Variants in PLAAT1 observed in about 807,000 individuals in gnomAD.
PLAAT1 encodes H-REV107 protein-related protein.
A neutral mutation model predicts 16.4 loss-of-function variants in PLAAT1; 13 were observed. That is an observed-to-expected ratio of 0.79 (90% CI 0.52 to 1.26). PLAAT1 has a LOEUF of 1.26. Among genes scored for constraint, PLAAT1 ranks in the 50% most tolerant of loss-of-function variants. PLAAT1 has a pLI of 0.00. For synonymous variants in PLAAT1, 73 were observed against 78.4 expected (o/e 0.93, Z 0.36); for missense variants, 218 against 207.8 (o/e 1.05, Z -0.30).
At chr3:193,243,918 T>A (rs1210953625) in intron 1 of PLAAT1, among the ~76,000 whole-genome samples, 3 of 152,238 alleles carry the variant, frequency 2.0e-5, no homozygotes, top group African/African-American at 7.2e-5. Flanking sequence ...ACTATCTTTT[T>A]AAATAATTGT....
intron 1 of PLAAT1, among the ~76,000 whole-genome samples, chr3:193,249,044 T>G (rs146589292): frequency 6.6e-6 from 1 of 152,248 alleles, no homozygotes; most frequent in Non-Finnish European, 1.5e-5. Flanking sequence ...TTTTTAAAGC[T>G]CCCCTTCTTC....
In PLAAT1 at chr3:193,270,698, A is replaced by G. The variant is rs1254752178; in HGVS notation, c.500A>G (p.Tyr167Cys). The change falls in exon 4 of 4, where the codon TAC (tyrosine) becomes TGC (cysteine). Residue 167 changes from tyrosine (Y) to cysteine (C), a missense_variant. Coordinates refer to ENST00000264735, the MANE Select transcript of PLAAT1 (RefSeq NM_020386.5). ...GLFPKGQRAK[Y>C]Y ...TTTCCAAAAGGACAAAGAGCAAAAT[A>G]CTATTAACAATTTACCAAAGAGATA... 1.2e-6 allele frequency: 2 copies of G among 1,612,624 alleles called. No individual in the cohort carries two copies. Among genetic ancestry groups the G allele is most frequent in the Non-Finnish European group, 1.7e-6 (2 of 1,179,154 alleles).
intron 2 of PLAAT1, among the ~76,000 whole-genome samples, chr3:193,259,086 G>A (rs1716490587): frequency 6.6e-6 from 1 of 152,144 alleles, no homozygotes; most frequent in African/African-American, 2.4e-5. Flanking sequence ...GTACAAGATT[G>A]GTTCGACATA....
At position 193,263,243 on chromosome 3, in the gene PLAAT1, T is replaced by C; in HGVS notation, c.405+8T>C. On this transcript the variant is annotated splice_region_variant and intron_variant, in intron 3 of 3. Coordinates refer to ENST00000264735, the MANE Select transcript of PLAAT1 (RefSeq NM_020386.5). ...GAAGGAGTTTCAGAGCAGGTAAGTT[T>C]TCTTTAGGAGATATTCTTACATTGA... The C allele has an allele frequency of 6.2e-7, 1 of 1,612,332 alleles. No homozygotes were observed. Among genetic ancestry groups the C allele is most frequent in the Non-Finnish European group, 8.5e-7 (1 of 1,178,794 alleles).
chr3:193,245,527 T>C (rs1055870047), intron 1 of PLAAT1, among the ~76,000 whole-genome samples: 1 of 152,334 alleles, frequency 6.6e-6, no homozygotes, highest in Admixed American at 6.5e-5. Context: ...TTCAACGTAA[T>C]GGCTTCAGTT....
chr3:193,240,980 G>T (rs907417876), upstream of PLAAT1: 67 of 349,272 alleles, frequency 1.9e-4, no homozygotes, highest in African/African-American at 1.3e-3. Flanking sequence ...CGTTGGCTGC[G>T]GGAACGTCCG....
At chr3:193,241,141 CGA>C, upstream of PLAAT1, 1 of 954,788 alleles carries the variant, frequency 1.0e-6, no homozygotes, top group Non-Finnish European at 1.3e-6. Flanking sequence ...GGCGGGCGGG[CGA>C]AGCTGGGCTC....
At chr3:193,274,970 A>G, downstream of PLAAT1, 1 of 1,557,012 alleles carries the variant, frequency 6.4e-7, no homozygotes, top group South Asian at 1.2e-5. Flanking sequence ...GGAGAGTATC[A>G]TCACTTCTCC....
chr3:193,252,148 G>A (rs1036049094), intron 1 of PLAAT1, among the ~76,000 whole-genome samples: 1 of 152,142 alleles, frequency 6.6e-6, no homozygotes, highest in Admixed American at 6.5e-5. Flanking sequence ...ATGGTGGAAT[G>A]CAATGGGGGA....
At chr3:193,278,095 T>C (rs1206906246), downstream of PLAAT1, among the ~76,000 whole-genome samples, 5 of 152,206 alleles carry the variant, frequency 3.3e-5, no homozygotes, top group African/African-American at 1.2e-4. Context: ...TGAGCCACCA[T>C]GCCTGACCCT....
At chr3:193,268,837 A>G (rs570033044) in intron 3 of PLAAT1, among the ~76,000 whole-genome samples, 1 of 152,144 alleles carries the variant, frequency 6.6e-6, no homozygotes, top group South Asian at 2.1e-4. Context: ...TTGTGTTTCT[A>G]GTGGCTGAAA....
chr3:193,274,928 T>C, downstream of PLAAT1: 1 of 1,419,446 alleles, frequency 7.0e-7, no homozygotes, highest in Non-Finnish European at 9.6e-7. Flanking sequence ...AAATATACTT[T>C]GAATGCTTGA....
intron 2 of PLAAT1, among the ~76,000 whole-genome samples, chr3:193,257,554 G>A (rs966073222): frequency 6.6e-6 from 1 of 152,082 alleles, no homozygotes; most frequent in African/African-American, 2.4e-5. Flanking sequence ...TGAATACAAA[G>A]AAGATTTCTC....
rs965862010 is a variant in PLAAT1 at position 193,241,232 on chromosome 3, C to T, written c.-302C>T. 1.1e-4 allele frequency: 131 copies of T among 1,224,984 alleles called. No individual in the cohort carries two copies. The highest frequency in any genetic ancestry group is 9.6e-5 in the East Asian group (3 of 31,104). The allele number at this position is 1,224,984 out of a possible 1,614,324, so 75.9% of individuals were successfully genotyped here. A position where few individuals can be genotyped will look rare whatever the true frequency, so the allele number is the denominator to read the frequency against. On this transcript the variant is annotated 5_prime_UTR_variant, in exon 1 of 4. Coordinates refer to ENST00000264735, the MANE Select transcript of PLAAT1 (RefSeq NM_020386.5). ...GGGCGGCTCCCCATGGTCAGAGCCT[C>T]GTGCCGGCTCGGCAGCGCCCGGACG... is the stretch of plus-strand genomic sequence containing the variant.
Position 193,241,517 on chromosome 3 carries a change from C to T in PLAAT1, c.-17C>T. 8.1e-7 allele frequency: 1 copy of T among 1,231,924 alleles called. No homozygotes were observed. Among genetic ancestry groups the T allele is most frequent in the Non-Finnish European group, 1.0e-6 (1 of 988,140 alleles). The allele number at this position is 1,231,924 out of a possible 1,614,324, so 76.3% of individuals were successfully genotyped here. A position where few individuals can be genotyped will look rare whatever the true frequency, so the allele number is the denominator to read the frequency against. ...CTGCCTCCCGGTGCGAGAAGAAGAC[C>T]CCGGCTTGAGAGTGAGGTGTGCTGG... On this transcript the variant is annotated 5_prime_UTR_variant, in exon 1 of 4. Coordinates refer to ENST00000264735, the MANE Select transcript of PLAAT1 (RefSeq NM_020386.5).
At chr3:193,268,275 G>A (rs974270067) in intron 3 of PLAAT1, among the ~76,000 whole-genome samples, 3 of 152,154 alleles carry the variant, frequency 2.0e-5, no homozygotes, top group Admixed American at 6.5e-5. Flanking sequence ...CATCCTGATG[G>A]TGCTTCGGTG....
At chr3:193,241,200 G>A (rs1224463213), upstream of PLAAT1, 10 of 1,221,838 alleles carry the variant, frequency 8.2e-6, no homozygotes, top group South Asian at 4.1e-4. Context: ...CGCCTCCTGG[G>A]CGGAGCGGGC....
intron 2 of PLAAT1, among the ~76,000 whole-genome samples, chr3:193,259,779 T>A (rs1716515833): frequency 6.6e-6 from 1 of 152,136 alleles, no homozygotes; most frequent in African/African-American, 2.4e-5. Context: ...AGAAATAATA[T>A]TAAAATGTTC....
intron 2 of PLAAT1, among the ~76,000 whole-genome samples, chr3:193,277,223 ACC>A (rs1357570134): frequency 9.2e-5 from 14 of 152,226 alleles, no homozygotes; most frequent in Non-Finnish European, 1.8e-4. Context: ...AGCAAATTCT[ACC>A]TGGAATTCAT....
Sources: gnomAD v4.1 joint callset for allele counts (sites outside exome capture counted in the v4.1 genomes callset) on GRCh38, gnomAD v4.1.1 for gene constraint, MANE v1.5 for transcripts, NCBI Gene and HGNC (gene_info 2026-07-23, HGNC 2026-07-21) for gene names.